The following PLCE1 variants were observed in gnomAD, a reference collection of about 807,000 sequenced individuals.
PLCE1 encodes the protein 1-phosphatidylinositol 4,5-bisphosphate phosphodiesterase epsilon-1.
A neutral mutation model predicts 242.8 loss-of-function variants in PLCE1; 119 were observed. The observed-to-expected ratio is 0.49, with a 90% CI of 0.42 to 0.57. The LOEUF (loss-of-function observed/expected upper bound fraction) is 0.57, where lower values mean the gene tolerates loss of function less well. Among genes scored for constraint, PLCE1 ranks in the 20% least tolerant of loss-of-function variants. The pLI, the probability that PLCE1 is intolerant of heterozygous loss-of-function variation, is 0.00. For synonymous variants in PLCE1, 945 were observed against 1,017.4 expected, an observed-to-expected ratio of 0.93 and a Z score of 1.35; for missense variants, 2,441 against 2,788.8, an observed-to-expected ratio of 0.88 and a Z score of 2.81.
chr10:94,095,734 C>T (rs562638775), intron 2 of PLCE1, among the ~76,000 whole-genome samples: 4 of 152,232 alleles, frequency 2.6e-5, no homozygotes, highest in African/African-American at 9.6e-5. Context: ...CTTAATACTC[C>T]CAGAAAACCC....
intron 2 of PLCE1, among the ~76,000 whole-genome samples, chr10:94,111,276 A>C (rs532123281): frequency 2.6e-5 from 4 of 152,310 alleles, no homozygotes; most frequent in African/African-American, 7.2e-5. Flanking sequence ...AGTGGGAGGA[A>C]TTCAGCCCCT....
chr10:94,180,252 A>G (rs12250254), intron 4 of PLCE1, among the ~76,000 whole-genome samples: 12,845 of 152,200 alleles, frequency 0.084, 1,000 homozygotes, highest in African/African-American at 0.21. Flanking sequence ...TATGATTTCA[A>G]TATGTGTAAA....
rs2049091439 is a variant in PLCE1, at chr10:94,204,708, GAA to G, written c.1810-22597_1810-22596del. Among the ~76,000 whole-genome samples, 10 of 148,696 alleles carry G rather than the reference GAA, an allele frequency of 6.7e-5. No homozygotes were observed. The Admixed American group carries it at 6.8e-4, about 10-fold the overall frequency. On this transcript the variant is annotated intron_variant, in intron 4 of 32. Transcript: ENST00000371380. ...GATACACAGGAAGAAAGAAAGGAAGGAAGAAAAGAAGGAAGGAAGGAAGGAAA... is the reference window on the plus strand; with the variant it reads ...GATACACAGGAAGAAAGAAAGGAAGGGAAAAGAAGGAAGGAAGGAAGGAAA...
In PLCE1 at chr10:94,227,375, T is replaced by C. The variant is rs768638774; in HGVS notation, c.1879T>C (p.Tyr627His). ...GGAGGAGAAGCGAGAAGTCTTTTCATATTTGGTGCATGTGGCCAAATGCTG... is the reference window on the plus strand; with the variant it reads ...GGAGGAGAAGCGAGAAGTCTTTTCACATTTGGTGCATGTGGCCAAATGCTG... ...SMEEKREVFS[Y>H]LVHVAKCCWN... Residue 627 changes from tyrosine to histidine, a missense_variant, in exon 5 of 33, where the codon TAT becomes CAT. By Grantham distance (83) the Tyr-to-His change is moderately conservative (BLOSUM62 2). Coordinates refer to ENST00000371380, the MANE Select transcript of PLCE1 (RefSeq NM_016341.4). 1 of 1,614,028 alleles carries C rather than the reference T, an allele frequency of 6.2e-7. No homozygotes were observed. Among genetic ancestry groups the C allele is most frequent in the East Asian group, 2.2e-5 (1 of 44,880 alleles).
At chr10:94,137,551 A>C (rs1466691743) in intron 3 of PLCE1, among the ~76,000 whole-genome samples, 1 of 152,214 alleles carries the variant, frequency 6.6e-6, no homozygotes, top group Non-Finnish European at 1.5e-5. Context: ...CAACATAATA[A>C]ATTGAGTGTG....
At chr10:94,302,011 T>A (rs2053055365) in intron 24 of PLCE1, among the ~76,000 whole-genome samples, 1 of 152,208 alleles carries the variant, frequency 6.6e-6, no homozygotes, top group Admixed American at 6.5e-5. Context: ...TGTTTATCTA[T>A]CATTATGTGC....
At chr10:94,255,912 A>ACTCTCTCTCT (rs1564834353) in intron 11 of PLCE1, among the ~76,000 whole-genome samples, 5 of 87,030 alleles carry the variant, frequency 5.7e-5, no homozygotes, top group South Asian at 8.3e-4. Flanking sequence ...ACACACACAC[A>ACTCTCTCTCT]CACTCTCTCT....
chr10:94,283,581 G>T, intron 20 of PLCE1: 1 of 453,646 alleles, frequency 2.2e-6, no homozygotes, highest in Non-Finnish European at 4.2e-6. Context: ...AAAACTACTG[G>T]TAAATAAATC....
At chr10:94,246,724 T>C in intron 8 of PLCE1, 103 bp downstream of exon 8, 2 of 1,077,448 alleles carry the variant, frequency 1.9e-6, no homozygotes, top group South Asian at 2.7e-5. Context: ...TGACAGTTAC[T>C]ACCTGTGGTG....
intron 1 of PLCE1, among the ~76,000 whole-genome samples, chr10:94,018,557 G>C (rs1316647208): frequency 6.6e-6 from 1 of 152,170 alleles, no homozygotes; most frequent in Non-Finnish European, 1.5e-5. Context: ...CTTCACTGAT[G>C]ACTTGAGTTT....
intron 4 of PLCE1, among the ~76,000 whole-genome samples, chr10:94,205,547 T>C (rs1263270973): frequency 6.6e-6 from 1 of 152,106 alleles, no homozygotes; most frequent in Middle Eastern, 3.2e-3. Context: ...AAATAGAACA[T>C]GGAAAAGAGG....
At chr10:94,225,572 A>T (rs1485571347) in intron 4 of PLCE1, among the ~76,000 whole-genome samples, 5 of 152,164 alleles carry the variant, frequency 3.3e-5, no homozygotes, top group African/African-American at 1.2e-4. Flanking sequence ...TCGAGGTTGC[A>T]GTGAGCCAAG....
chr10:94,129,827 C>T (rs1171961679), intron 2 of PLCE1, among the ~76,000 whole-genome samples: 1 of 152,192 alleles, frequency 6.6e-6, no homozygotes, highest in Non-Finnish European at 1.5e-5. Flanking sequence ...TGGGTGAAAT[C>T]TCCTTGCTTT....
At chr10:94,251,905 C>A (rs552229057) in intron 8 of PLCE1, among the ~76,000 whole-genome samples, 4 of 152,276 alleles carry the variant, frequency 2.6e-5, no homozygotes, top group Middle Eastern at 3.4e-3. Context: ...ACCTACCTGG[C>A]AATAATGGAC....
chr10:94,076,310 G>A (rs2044499181), intron 2 of PLCE1, among the ~76,000 whole-genome samples: 1 of 152,184 alleles, frequency 6.6e-6, no homozygotes, highest in African/African-American at 2.4e-5. Flanking sequence ...TTAGAGTAAA[G>A]ACAGATGTTA....
intron 2 of PLCE1, among the ~76,000 whole-genome samples, chr10:94,073,330 C>G (rs922555367): frequency 5.3e-5 from 8 of 152,136 alleles, no homozygotes; most frequent in Non-Finnish European, 2.9e-5. Context: ...TTCCAAGTAA[C>G]CAACTTACTT....
intron 2 of PLCE1, among the ~76,000 whole-genome samples, chr10:94,109,987 T>C (rs1182405226): frequency 6.6e-6 from 1 of 151,370 alleles, no homozygotes; most frequent in Admixed American, 6.6e-5. Context: ...GATGTTAGAA[T>C]CCTTTGGCAA....
At chr10:94,136,207 T>G (rs763084494) in intron 3 of PLCE1, among the ~76,000 whole-genome samples, 1 of 152,098 alleles carries the variant, frequency 6.6e-6, no homozygotes, top group Non-Finnish European at 1.5e-5. Flanking sequence ...AGACCTTAAG[T>G]AGAAAGGTGG....
At chr10:94,079,233 G>C (rs986280989) in intron 2 of PLCE1, among the ~76,000 whole-genome samples, 3 of 152,162 alleles carry the variant, frequency 2.0e-5, no homozygotes, top group Admixed American at 1.3e-4. Flanking sequence ...ACAACATTAA[G>C]AGAAAGCATT....
Sources: gnomAD v4.1 joint callset for allele counts (sites outside exome capture counted in the v4.1 genomes callset) on GRCh38, gnomAD v4.1.1 for gene constraint, MANE v1.5 for transcripts, NCBI Gene and HGNC (gene_info 2026-07-23, HGNC 2026-07-21) for gene names.